Variants in CHD1 observed in about 807,000 individuals in gnomAD.
The protein encoded by CHD1 is ATP-dependent chromatin remodeler CHD1.
Under a neutral mutation model 224.2 loss-of-function variants are expected in CHD1, and 36 were observed. The observed-to-expected ratio is 0.16, with a 90% confidence interval of 0.12 to 0.21. CHD1 has a LOEUF of 0.21. CHD1 is among the 10% of genes least tolerant of loss of function. The probability of loss-of-function intolerance (pLI) is 1.00; values close to 1 mark genes in which losing one functional copy is unlikely to be tolerated. For missense variants in CHD1, 1,378 were observed against 1,994.8 expected (o/e 0.69, Z 5.89); for synonymous variants, 668 against 658.3 (o/e 1.01, Z -0.23).
At chr5:98,896,488 T>C (rs769416814) in intron 11 of CHD1, 46 bp from the exon 12 acceptor site, 1 of 1,364,090 alleles carries the variant, frequency 7.3e-7, no homozygotes. Context: ...TATTCAAATA[T>C]ACAAAGAAAC....
chr5:98,876,615 G>A, intron 23 of CHD1, 57 bp from the exon 24 acceptor site: 4 of 1,402,340 alleles, frequency 2.9e-6, no homozygotes, highest in Middle Eastern at 1.8e-4. Flanking sequence ...TATCTTAAGA[G>A]CAAAAACCAT....
At chr5:98,868,453 T>C in intron 31 of CHD1, 42 bp downstream of exon 31, 2 of 1,538,652 alleles carry the variant, frequency 1.3e-6, no homozygotes, top group African/African-American at 1.4e-5. Flanking sequence ...AACTTAAATG[T>C]TTTATGAGTT....
At chr5:98,908,326 C>T (rs762552530) in intron 2 of CHD1, among the ~76,000 whole-genome samples, 1 of 152,178 alleles carries the variant, frequency 6.6e-6, no homozygotes, top group Non-Finnish European at 1.5e-5. Flanking sequence ...TCTATCCCAA[C>T]CCAACGTTAA....
In CHD1 at chr5:98,867,018, A is replaced by G. The variant is rs922323880; in HGVS notation, c.4248+1477T>C. Among the ~76,000 whole-genome samples, 3 of 152,312 alleles carry G rather than the reference A, an allele frequency of 2.0e-5. No homozygotes were observed. The South Asian group carries it at 6.2e-4, about 32-fold the overall frequency. Reference sequence around the variant, plus strand: ...GACAGCACTGATCTGTAAACTTTACATGTACCAATTCATTTAATCTTCATA... The same window carrying G: ...GACAGCACTGATCTGTAAACTTTACGTGTACCAATTCATTTAATCTTCATA... On this transcript the variant is annotated intron_variant, in intron 31 of 35. Coordinates refer to ENST00000614616, the MANE Select transcript of CHD1 (RefSeq NM_001270.4).
chr5:98,918,094 G>A (rs1752859636), intron 2 of CHD1, among the ~76,000 whole-genome samples: 1 of 145,000 alleles, frequency 6.9e-6, no homozygotes, highest in African/African-American at 2.6e-5. Flanking sequence ...GTCTCGCTCT[G>A]TCGCCCAGGC....
In CHD1 at chr5:98,892,513, T is replaced by C; in HGVS notation, c.2180+12A>G. 1 of 1,603,550 alleles carries C rather than the reference T, an allele frequency of 6.2e-7. No individual in the cohort carries two copies. The highest frequency in any genetic ancestry group is 8.5e-7 in the Non-Finnish European group (1 of 1,172,236). ...ATTAGAAGTTCAGAACTGTGTTCTG[T>C]GTACAGCTTACTTGTAATATTGTTT... On this transcript the variant is annotated intron_variant, in intron 15 of 35. Transcript: ENST00000614616.
At position 98,900,880 on chromosome 5, in the gene CHD1, G is replaced by A. The variant is rs10062803; in HGVS notation, c.790C>T (p.Pro264Ser). 107 of 1,613,778 alleles carry A rather than the reference G, an allele frequency of 6.6e-5. 1 individual carries two copies. Among genetic ancestry groups the A allele is most frequent in the Non-Finnish European group, 8.8e-5 (104 of 1,179,754 alleles). ...DLLEVCGEDV[P>S]QPEEEEFETI... ...TCAAATTCCTCTTCCTCAGGTTGAG[G>A]AACATCCTCTCCACAGACTTCCAGT... Residue 264 changes from proline to serine, a missense_variant, in exon 7 of 36, where the codon CCT becomes TCT. Physicochemically the swap from Pro to Ser is moderately conservative, Grantham distance 74. Coordinates refer to ENST00000614616, the MANE Select transcript of CHD1 (RefSeq NM_001270.4).
chr5:98,871,158 T>TTATA (rs1327149825), intron 28 of CHD1, among the ~76,000 whole-genome samples: 2 of 151,798 alleles, frequency 1.3e-5, no homozygotes, highest in East Asian at 3.8e-4. Context: ...AAAGTGTACT[T>TTATA]ATATATAATG....
In CHD1 at chr5:98,921,306, T is replaced by C. The variant is rs115547036; in HGVS notation, c.53+5028A>G. On this transcript the variant is annotated intron_variant, in intron 2 of 35. Coordinates refer to ENST00000614616, the MANE Select transcript of CHD1 (RefSeq NM_001270.4). ...TAGTCCTGCTCAAGACACAATTAAT[T>C]GGAGGTTCGCAGAGAATGAAAACCA... Among the ~76,000 whole-genome samples, 353 of 152,268 alleles carry C rather than the reference T, an allele frequency of 2.3e-3. 3 individuals carry two copies. Among genetic ancestry groups the C allele is most frequent in the Admixed American group, 0.011 (173 of 15,288 alleles).
At chr5:98,858,453 TGATA>T in intron 34 of CHD1, 63 bp from the exon 35 acceptor site, 1 of 1,339,128 alleles carries the variant, frequency 7.5e-7, no homozygotes, top group Non-Finnish European at 1.1e-6. Flanking sequence ...AAAACTTAGT[TGATA>T]GATAACAAGA....
intron 4 of CHD1, 39 bp downstream of exon 4, chr5:98,903,753 T>C (rs768466746): frequency 7.6e-7 from 1 of 1,317,944 alleles, no homozygotes; most frequent in Non-Finnish European, 1.1e-6. Flanking sequence ...TTCAGCAGCA[T>C]GTCCACTTTT....
rs904589216 is a variant in CHD1 at position 98,858,961 on chromosome 5, T to C, written c.4576+3A>G. On this transcript the variant is annotated splice_donor_region_variant and intron_variant, in intron 34 of 35. Transcript: ENST00000614616. Reference sequence around the variant, plus strand: ...ATTTTCCCAATCAGTAAGGCTTACATACCTGGATTTCTAATCACGTGAGGA... The same window carrying C: ...ATTTTCCCAATCAGTAAGGCTTACACACCTGGATTTCTAATCACGTGAGGA... The C allele has an allele frequency of 5.8e-6, 9 of 1,547,602 alleles. No individual in the cohort carries two copies. Among genetic ancestry groups the C allele is most frequent in the African/African-American group, 2.8e-5 (2 of 70,496 alleles).
intron 2 of CHD1, among the ~76,000 whole-genome samples, chr5:98,924,278 G>A (rs1039742799): frequency 4.6e-5 from 7 of 151,948 alleles, no homozygotes; most frequent in Admixed American, 4.6e-4. Context: ...AAAAAAAATT[G>A]TGGGTGGACA....
At position 98,901,310 on chromosome 5, in the gene CHD1, C is replaced by T; in HGVS notation, c.463G>A (p.Gly155Arg). ...KDEDWQMSGS[G>R]SPSQSGSDSE... ...TCTGAACCAGACTGAGATGGAGATC[C>T]TGACCCAGACATTTGCCAATCTTCA... The change falls in exon 6 of 36, where the codon GGA becomes AGA. Residue 155 changes from glycine to arginine, a missense_variant. Coordinates refer to ENST00000614616, the MANE Select transcript of CHD1 (RefSeq NM_001270.4). 3 of 1,608,442 alleles carry T rather than the reference C, an allele frequency of 1.9e-6. No homozygotes were observed. The highest frequency in any genetic ancestry group is 2.5e-6 in the Non-Finnish European group (3 of 1,178,704).
intron 17 of CHD1, chr5:98,886,310 T>C (rs1750646357): frequency 1.3e-5 from 2 of 152,204 alleles, no homozygotes; most frequent in Admixed American, 1.3e-4. Context: ...ATTTGACTTT[T>C]CTCCACAAAC....
chr5:98,888,289 G>C (rs761532460), intron 16 of CHD1, 49 bp from the exon 17 acceptor site: 1 of 1,338,198 alleles, frequency 7.5e-7, no homozygotes, highest in Admixed American at 2.2e-5. Context: ...TAAATGGTAA[G>C]TTGTCCACGT....
Position 98,887,073 on chromosome 5 carries a change from G to C in CHD1, c.2496+1015C>G, listed in dbSNP as rs547178047. 1.2e-4 allele frequency among the ~76,000 whole-genome samples: 18 copies of C among 152,152 alleles called. No individual in the cohort carries two copies. The South Asian group carries it at 1.9e-3, about 16-fold the overall frequency. ...TGAAAATGTTCTAAAACCACCTGTC[G>C]AACAATTATACACATCTGTGAACAT... is the stretch of plus-strand genomic sequence containing the variant. On this transcript the variant is annotated intron_variant, in intron 17 of 35. Coordinates refer to ENST00000614616, the MANE Select transcript of CHD1 (RefSeq NM_001270.4).
chr5:98,892,570 T>C lies in CHD1; in HGVS notation c.2135A>G (p.Gln712Arg). ...VEKSLPAKVE[Q>R]ILRMEMSALQ... Reference sequence around the variant, plus strand: ...AGCACTCATTTCCATTCTTAAAATCTGCTCAACCTTGGCAGGAAGAGATTT... The same window carrying C: ...AGCACTCATTTCCATTCTTAAAATCCGCTCAACCTTGGCAGGAAGAGATTT... Residue 712 changes from glutamine to arginine, a missense_variant, in exon 15 of 36, where the codon CAG becomes CGG. Coordinates refer to ENST00000614616, the MANE Select transcript of CHD1 (RefSeq NM_001270.4). 1 of 1,613,940 alleles carries C rather than the reference T, an allele frequency of 6.2e-7. No individual in the cohort carries two copies. The highest frequency in any genetic ancestry group is 8.5e-7 in the Non-Finnish European group (1 of 1,179,878).
chr5:98,894,908 A>G (rs1288114113), intron 12 of CHD1, among the ~76,000 whole-genome samples: 3 of 150,306 alleles, frequency 2.0e-5, no homozygotes, highest in African/African-American at 7.4e-5. Context: ...CACAACCTCC[A>G]CCTCCCGGGT....
Sources: gnomAD v4.1 joint callset for allele counts (sites outside exome capture counted in the v4.1 genomes callset) on GRCh38, gnomAD v4.1.1 for gene constraint, MANE v1.5 for transcripts, NCBI Gene and HGNC (gene_info 2026-07-23, HGNC 2026-07-21) for gene names.